MCTP1: variants seen among roughly 807,000 people sequenced by gnomAD.
MCTP1 encodes the protein multiple C2 and transmembrane domain containing 1, also known as multiple C2 and transmembrane domain-containing protein 1.
MCTP1 carries 69 observed loss-of-function variants against 120.6 expected under a neutral mutation model. That is an observed-to-expected ratio of 0.57 (90% CI 0.47 to 0.70). The LOEUF (loss-of-function observed/expected upper bound fraction) is 0.70. Among genes scored for constraint, MCTP1 ranks in the 30% least tolerant of loss-of-function variants. The probability of loss-of-function intolerance (pLI) is 0.00; values close to 1 mark genes in which losing one functional copy is unlikely to be tolerated. For missense variants in MCTP1, 1,203 were observed against 1,248.8 expected, an observed-to-expected ratio of 0.96 and a Z score of 0.55; for synonymous variants, 529 against 493.1, an observed-to-expected ratio of 1.07 and a Z score of -0.96.
At chr5:94,741,077 C>T in intron 19 of MCTP1, among the ~76,000 whole-genome samples, 1 of 152,150 alleles carries the variant, frequency 6.6e-6, no homozygotes, top group East Asian at 1.9e-4. Flanking sequence ...GCTCGGCCAT[C>T]TTGGTAGCAT....
chr5:94,804,668 G>A (rs1781934898), intron 17 of MCTP1, among the ~76,000 whole-genome samples: 1 of 152,156 alleles, frequency 6.6e-6, no homozygotes, highest in African/African-American at 2.4e-5. Flanking sequence ...TCGATCTCCT[G>A]ACCTCGTGAT....
intron 1 of MCTP1, among the ~76,000 whole-genome samples, chr5:95,116,990 G>A (rs372926133): frequency 2.4e-4 from 36 of 152,174 alleles, no homozygotes; most frequent in African/African-American, 6.0e-4. Flanking sequence ...CAATCTGTCC[G>A]TCTGACAAAT....
Position 94,797,292 on chromosome 5 carries a change from C to G in MCTP1, c.2556+1721G>C, listed in dbSNP as rs369781842. 1.3e-4 allele frequency among the ~76,000 whole-genome samples: 20 copies of G among 152,132 alleles called. 1 individual carries two copies. In the South Asian group the frequency reaches 3.1e-3, roughly 24 times the overall value. The stretch of plus-strand genomic sequence containing the variant: ...TGACTAAATATTGAAGATAAGCCCC[C>G]CCTCATAGAATTAAGAAGGTAAAAC... On this transcript the variant is annotated intron_variant, in intron 18 of 22. Coordinates refer to ENST00000515393, the MANE Select transcript of MCTP1 (RefSeq NM_024717.7).
chr5:95,117,658 A>C (rs1013712614), intron 1 of MCTP1, among the ~76,000 whole-genome samples: 1 of 152,186 alleles, frequency 6.6e-6, no homozygotes, highest in Non-Finnish European at 1.5e-5. Context: ...CAATCCCATT[A>C]CTGAGTATAT....
intron 2 of MCTP1, among the ~76,000 whole-genome samples, chr5:94,958,956 A>C (rs979565815): frequency 1.3e-5 from 2 of 152,224 alleles, no homozygotes; most frequent in East Asian, 3.8e-4. Context: ...AACCTGGCAG[A>C]GACACAACAA....
chr5:95,225,538 A>G (rs1480998381), intron 1 of MCTP1, among the ~76,000 whole-genome samples: 1 of 152,202 alleles, frequency 6.6e-6, no homozygotes, highest in Non-Finnish European at 1.5e-5. Context: ...AATAAAGAAT[A>G]TATATCCATT....
intron 2 of MCTP1, among the ~76,000 whole-genome samples, chr5:94,964,348 AT>A (rs1237918236): frequency 1.1e-4 from 17 of 152,282 alleles, no homozygotes; most frequent in African/African-American, 3.6e-4. Flanking sequence ...AATATTCCAT[AT>A]GTGACTCTTA....
At chr5:95,122,152 T>G (rs560937304) in intron 1 of MCTP1, among the ~76,000 whole-genome samples, 1 of 152,004 alleles carries the variant, frequency 6.6e-6, no homozygotes, top group Non-Finnish European at 1.5e-5. Context: ...CAAATTGGAT[T>G]ACATCAAACT....
chr5:94,953,804 C>CATATATATATACAAATATATATATAAAT (rs1821274464), intron 2 of MCTP1, among the ~76,000 whole-genome samples: 2 of 114,120 alleles, frequency 1.8e-5, no homozygotes, highest in South Asian at 5.5e-4. Context: ...CATATATATA[C>CATATATATATACAAATATATATATAAAT]ATATATATAT....
At chr5:95,070,751 G>A (rs928321841) in intron 1 of MCTP1, among the ~76,000 whole-genome samples, 6 of 152,196 alleles carry the variant, frequency 3.9e-5, no homozygotes, top group South Asian at 2.1e-4. Context: ...TCCCAGCTGC[G>A]GCTTGGTGAA....
intron 20 of MCTP1, among the ~76,000 whole-genome samples, chr5:94,713,353 A>C (rs569514917): frequency 1.0e-3 from 158 of 152,214 alleles, no homozygotes; most frequent in Non-Finnish European, 1.8e-3. Context: ...AACCACTGCC[A>C]AGATCTGGTC....
At chr5:95,013,324 CA>C (rs558247779) in intron 2 of MCTP1, among the ~76,000 whole-genome samples, 96 of 152,234 alleles carry the variant, frequency 6.3e-4, no homozygotes, top group Middle Eastern at 6.8e-3. Flanking sequence ...GAAAACCCAG[CA>C]AGATAATTGA....
intron 2 of MCTP1, among the ~76,000 whole-genome samples, chr5:95,006,252 CAT>C (rs746858217): frequency 1.7e-4 from 26 of 151,822 alleles, no homozygotes; most frequent in Non-Finnish European, 3.2e-4. Flanking sequence ...TATACACACA[CAT>C]ACACACATAC....
rs144160876 is a variant in MCTP1 at position 95,145,221 on chromosome 5, G to A, written c.721-127737C>T. ...TAGGATGTTATTGGTGTATAGAAAT[G>A]TTACTGATTTTTGTATTTGATTTTG... On this transcript the variant is annotated intron_variant, in intron 1 of 22. Transcript: ENST00000515393. 5.3e-5 allele frequency among the ~76,000 whole-genome samples: 8 copies of A among 152,210 alleles called. No homozygotes were observed. In the East Asian group the frequency reaches 9.6e-4, roughly 18 times the overall value.
chr5:94,711,260 C>G (rs1756883641), intron 20 of MCTP1, among the ~76,000 whole-genome samples: 1 of 152,086 alleles, frequency 6.6e-6, no homozygotes, highest in African/African-American at 2.4e-5. Flanking sequence ...TAGTACCCAT[C>G]CTTGTTTTCT....
chr5:95,024,643 T>C (rs1335109726), intron 1 of MCTP1, among the ~76,000 whole-genome samples: 3 of 72,940 alleles, frequency 4.1e-5, no homozygotes, highest in South Asian at 1.4e-3. Flanking sequence ...TGAAAGGCAT[T>C]CAAATACACA....
At chr5:94,810,081 T>C (rs924534488) in intron 17 of MCTP1, among the ~76,000 whole-genome samples, 2 of 152,168 alleles carry the variant, frequency 1.3e-5, no homozygotes, top group African/African-American at 4.8e-5. Context: ...TATTCCTTCC[T>C]GTCTTTCAGG....
intron 11 of MCTP1, among the ~76,000 whole-genome samples, chr5:94,889,783 C>CACA (rs1208115681): frequency 1.3e-5 from 2 of 149,604 alleles, no homozygotes; most frequent in Non-Finnish European, 3.0e-5. Context: ...CACACACACA[C>CACA]CCCTCTATGT....
intron 1 of MCTP1, among the ~76,000 whole-genome samples, chr5:95,129,309 A>C (rs1758859211): frequency 6.6e-6 from 1 of 152,226 alleles, no homozygotes; most frequent in African/African-American, 2.4e-5. Flanking sequence ...CACGGGATAA[A>C]TGTAACTCAG....
Sources: gnomAD v4.1 joint callset for allele counts (sites outside exome capture counted in the v4.1 genomes callset) on GRCh38, gnomAD v4.1.1 for gene constraint, MANE v1.5 for transcripts, NCBI Gene and HGNC (gene_info 2026-07-23, HGNC 2026-07-21) for gene names.